SCAPER: variants seen among roughly 807,000 people sequenced by gnomAD.
SCAPER encodes the protein S phase cyclin A-associated protein in the endoplasmic reticulum.
In SCAPER, 98 loss-of-function variants were observed where a neutral mutation model predicts 182.2. The ratio of observed to expected loss-of-function variants is 0.54; its 90% CI spans 0.46 to 0.64. The LOEUF is 0.64. Among genes scored for constraint, SCAPER ranks in the 30% least tolerant of loss-of-function variants. The probability of loss-of-function intolerance (pLI) is 0.00; values close to 1 mark genes in which losing one functional copy is unlikely to be tolerated. For synonymous variants in SCAPER, 605 were observed against 564.6 expected (o/e 1.07, Z -1.01); for missense variants, 1,432 against 1,690.0 (o/e 0.85, Z 2.68).
At chr15:76,789,461 CTT>C (rs2064850744) in intron 8 of SCAPER, among the ~76,000 whole-genome samples, 1 of 152,086 alleles carries the variant, frequency 6.6e-6, no homozygotes, top group African/African-American at 2.4e-5. Flanking sequence ...TGGACCTAAT[CTT>C]TTAACCAATA....
chr15:76,652,215 C>T (rs867655917), intron 21 of SCAPER, among the ~76,000 whole-genome samples: 35 of 124,282 alleles, frequency 2.8e-4, no homozygotes, highest in Middle Eastern at 5.2e-3. Flanking sequence ...GTCATGAGTT[C>T]GAGACCAGCC....
intron 22 of SCAPER, among the ~76,000 whole-genome samples, chr15:76,610,417 A>C (rs2050871391): frequency 6.6e-6 from 1 of 152,248 alleles, no homozygotes; most frequent in South Asian, 2.1e-4. Context: ...GCTATTGAGC[A>C]CAGTTCTGGA....
chr15:76,545,952 A>T (rs1182375468), intron 23 of SCAPER, among the ~76,000 whole-genome samples: 1 of 152,176 alleles, frequency 6.6e-6, no homozygotes, highest in Admixed American at 6.5e-5. Flanking sequence ...TCCCCTAAAA[A>T]AATATTCCCA....
intron 20 of SCAPER, among the ~76,000 whole-genome samples, chr15:76,696,897 G>C (rs1199352727): frequency 6.6e-6 from 1 of 152,064 alleles, no homozygotes; most frequent in Non-Finnish European, 1.5e-5. Flanking sequence ...TAAGTCTCAA[G>C]AAACAGTAGA....
chr15:76,645,144 T>C (rs1002149136), intron 21 of SCAPER, among the ~76,000 whole-genome samples: 4 of 152,164 alleles, frequency 2.6e-5, no homozygotes, highest in Admixed American at 6.5e-5. Flanking sequence ...TAGAGATGAT[T>C]CAAAATATAT....
In SCAPER at chr15:76,454,943, A is replaced by G. The variant is rs554658802; in HGVS notation, c.3078+16269T>C. 9.9e-5 allele frequency among the ~76,000 whole-genome samples: 15 copies of G among 152,228 alleles called. No homozygotes were observed. In the East Asian group the frequency reaches 2.9e-3, roughly 29 times the overall value. ...TCTTCTTGAGTTAGTCTGGTGAGTT[A>G]TATTTTTCTAGGAATTTAAATTCGT... On this transcript the variant is annotated intron_variant, in intron 25 of 31. Transcript: ENST00000563290.
intron 23 of SCAPER, among the ~76,000 whole-genome samples, chr15:76,568,455 G>A (rs551562637): frequency 3.9e-5 from 6 of 151,908 alleles, no homozygotes; most frequent in African/African-American, 1.4e-4. Flanking sequence ...TCCTGAGTTC[G>A]AGTGATTCTC....
At chr15:76,899,443 C>T (rs531434420) in intron 1 of SCAPER, among the ~76,000 whole-genome samples, 75 of 152,362 alleles carry the variant, frequency 4.9e-4, no homozygotes, top group African/African-American at 1.6e-3. Context: ...GGATTGCAGA[C>T]GGAGTCTCGC....
chr15:76,490,801 G>A (rs1252327431), intron 24 of SCAPER, among the ~76,000 whole-genome samples: 1 of 152,080 alleles, frequency 6.6e-6, no homozygotes, highest in Non-Finnish European at 1.5e-5. Flanking sequence ...TCCATTTTCA[G>A]TTGATTCTTG....
intron 29 of SCAPER, among the ~76,000 whole-genome samples, chr15:76,373,516 T>G (rs1408061559): frequency 6.6e-6 from 1 of 152,170 alleles, no homozygotes; most frequent in African/African-American, 2.4e-5. Flanking sequence ...GTGAACCTAC[T>G]AGGCCTGGTC....
intron 22 of SCAPER, among the ~76,000 whole-genome samples, chr15:76,578,916 C>T (rs1037381709): frequency 2.6e-5 from 4 of 152,110 alleles, no homozygotes; most frequent in Non-Finnish European, 5.9e-5. Context: ...GCAGAGAATT[C>T]GAAATAGTTG....
intron 11 of SCAPER, among the ~76,000 whole-genome samples, chr15:76,766,686 G>A (rs897763044): frequency 6.6e-6 from 1 of 152,108 alleles, no homozygotes; most frequent in African/African-American, 2.4e-5. Flanking sequence ...CTTCTAACTT[G>A]TCAACTGTAT....
chr15:76,387,027 G>T (rs765631147), intron 27 of SCAPER, among the ~76,000 whole-genome samples: 1 of 152,228 alleles, frequency 6.6e-6, no homozygotes, highest in Non-Finnish European at 1.5e-5. Flanking sequence ...TCATCCAAGT[G>T]AGAAATAATG....
At chr15:76,836,767 G>A (rs1024449862) in intron 5 of SCAPER, among the ~76,000 whole-genome samples, 11 of 151,996 alleles carry the variant, frequency 7.2e-5, no homozygotes, top group East Asian at 1.9e-4. Context: ...CCAGCTACTC[G>A]GGAGGCTGAG....
At chr15:76,821,581 G>A (rs1295561615) in intron 5 of SCAPER, among the ~76,000 whole-genome samples, 1 of 151,902 alleles carries the variant, frequency 6.6e-6, no homozygotes, top group African/African-American at 2.4e-5. Context: ...CTCTGATCAA[G>A]CCACTACACT....
intron 20 of SCAPER, among the ~76,000 whole-genome samples, chr15:76,700,042 G>C (rs1343391914): frequency 6.6e-6 from 1 of 152,162 alleles, no homozygotes; most frequent in African/African-American, 2.4e-5. Context: ...CCTGGGGTAG[G>C]AGCTACGGTG....
At chr15:76,835,267 T>TA (rs201929772) in intron 5 of SCAPER, among the ~76,000 whole-genome samples, 2,322 of 150,332 alleles carry the variant, frequency 0.015, 26 homozygotes, top group Non-Finnish European at 0.025. Flanking sequence ...AACACAGATT[T>TA]AAAAAAAAAG....
chr15:76,470,446 C>A (rs139263196), intron 25 of SCAPER, among the ~76,000 whole-genome samples: 1 of 152,078 alleles, frequency 6.6e-6, no homozygotes. Flanking sequence ...TAGGAATTAA[C>A]CAGATAGAGG....
In SCAPER at chr15:76,883,742, A is replaced by C. The variant is rs140420349; in HGVS notation, c.6+70T>G. The C allele has an allele frequency of 3.9e-4, 494 of 1,262,704 alleles. 1 individual carries two copies. The African/African-American group carries it at 6.9e-3, about 18-fold the overall frequency. 78.2% of individuals were successfully genotyped at this position (1,262,704 alleles called of 1,614,324 possible). A position where few individuals can be genotyped will look rare whatever the true frequency, so the allele number is the denominator to read the frequency against. The stretch of plus-strand genomic sequence containing the variant: ...CTTGAATGAAACAACTATTACATTA[A>C]AAAAGATAAAAGAAAGGAAGAAAAG... On this transcript the variant is annotated intron_variant, in intron 2 of 31. Transcript: ENST00000563290.
Sources: gnomAD v4.1 joint callset for allele counts (sites outside exome capture counted in the v4.1 genomes callset) on GRCh38, gnomAD v4.1.1 for gene constraint, MANE v1.5 for transcripts, NCBI Gene and HGNC (gene_info 2026-07-23, HGNC 2026-07-21) for gene names.